The following CCDC181 variants were observed in gnomAD, a reference collection of about 807,000 sequenced individuals.
The protein encoded by CCDC181 is coiled-coil domain containing 181.
A neutral mutation model predicts 58.7 loss-of-function variants in CCDC181; 35 were observed. The ratio of observed to expected loss-of-function variants is 0.60; its 90% CI spans 0.46 to 0.79. The LOEUF (loss-of-function observed/expected upper bound fraction) is 0.79. CCDC181 is among the 30% of genes least tolerant of loss of function. CCDC181 has a pLI of 0.00. For synonymous variants in CCDC181, 183 were observed against 197.5 expected, an observed-to-expected ratio of 0.93 and a Z score of 0.62; for missense variants, 517 against 583.9, an observed-to-expected ratio of 0.89 and a Z score of 1.18.
chr1:169,397,272 A>G lies in CCDC181; in HGVS notation c.1335T>C (p.Leu445=), dbSNP rs746464125. 6.8e-6 allele frequency: 11 copies of G among 1,608,174 alleles called. No individual in the cohort carries two copies. The East Asian group carries it at 2.2e-4, about 33-fold the overall frequency. Residue 445 remains leucine (L), a synonymous_variant, in exon 5 of 6, where the codon CTT becomes CTC. Transcript: ENST00000367806. ...CCCTTTCCCGGCCTTCTGTTCCTTTAAGGAAGAATAAACATTCCTCTTGCT... is the reference window on the plus strand; with the variant it reads ...CCCTTTCCCGGCCTTCTGTTCCTTTGAGGAAGAATAAACATTCCTCTTGCT... ...LRKQEECLFF[L]KGTEGRERAF...
chr1:169,448,605 G>C (rs755894429), intron 2 of CCDC181, among the ~76,000 whole-genome samples: 6 of 151,722 alleles, frequency 4.0e-5, no homozygotes, highest in Non-Finnish European at 8.8e-5. Flanking sequence ...TTTGCCTTTG[G>C]TTTTTTGAAA....
rs191060473 is a variant in CCDC181, at chr1:169,412,350, A to C, written c.1215+6663T>G. Among the ~76,000 whole-genome samples the C allele has an allele frequency of 6.2e-3, 947 of 152,282 alleles. 10 individuals are homozygous for C. Among genetic ancestry groups the C allele is most frequent in the African/African-American group, 0.021 (893 of 41,546 alleles). Reference sequence around the variant, plus strand: ...AAGGACCTCTTCAAGGAGACCTACAAACCACCACTCAAGGAAATAAGAGAT... The same window carrying C: ...AAGGACCTCTTCAAGGAGACCTACACACCACCACTCAAGGAAATAAGAGAT... On this transcript the variant is annotated intron_variant, in intron 4 of 5. Coordinates refer to ENST00000367806, the MANE Select transcript of CCDC181 (RefSeq NM_001300969.2).
chr1:169,395,455 G>T (rs995738124), intron 5 of CCDC181, among the ~76,000 whole-genome samples: 16 of 152,094 alleles, frequency 1.1e-4, no homozygotes, highest in African/African-American at 3.6e-4. Context: ...AACTTAATTG[G>T]TTTTTTAATA....
At chr1:169,436,650 A>G (rs1196660268) in intron 2 of CCDC181, among the ~76,000 whole-genome samples, 3 of 152,212 alleles carry the variant, frequency 2.0e-5, no homozygotes, top group African/African-American at 4.8e-5. Flanking sequence ...ATATCGTACA[A>G]TCATTCACCA....
At chr1:169,402,795 C>T (rs1050294526) in intron 4 of CCDC181, among the ~76,000 whole-genome samples, 1 of 152,118 alleles carries the variant, frequency 6.6e-6, no homozygotes, top group African/African-American at 2.4e-5. Context: ...GGACCAAATA[C>T]ACACATAACA....
At chr1:169,441,305 G>A (rs984627758) in intron 2 of CCDC181, among the ~76,000 whole-genome samples, 1 of 152,072 alleles carries the variant, frequency 6.6e-6, no homozygotes, top group African/African-American at 2.4e-5. Context: ...GAAAATGGAA[G>A]TTACTGAAGA....
intron 3 of CCDC181, among the ~76,000 whole-genome samples, 179 bp from the exon 4 acceptor site, chr1:169,419,338 G>C (rs183828731): frequency 1.5e-4 from 23 of 152,260 alleles, no homozygotes; most frequent in Non-Finnish European, 1.8e-4. Flanking sequence ...CCAGCACTCT[G>C]GGGGGCCGAG....
intron 2 of CCDC181, among the ~76,000 whole-genome samples, chr1:169,439,704 G>C (rs1199337980): frequency 6.6e-6 from 1 of 152,102 alleles, no homozygotes; most frequent in African/African-American, 2.4e-5. Flanking sequence ...TTGGTATCCG[G>C]GTCCTTGTCC....
intron 4 of CCDC181, among the ~76,000 whole-genome samples, chr1:169,407,390 A>T (rs1392567361): frequency 6.6e-6 from 1 of 152,198 alleles, no homozygotes; most frequent in Non-Finnish European, 1.5e-5. Flanking sequence ...ACCAAGTAAA[A>T]GGAAAAAAAA....
chr1:169,432,523 C>T (rs1236177742), intron 2 of CCDC181, among the ~76,000 whole-genome samples: 1 of 152,084 alleles, frequency 6.6e-6, no homozygotes, highest in African/African-American at 2.4e-5. Flanking sequence ...TTCAAACAAA[C>T]CTCCACTGAA....
Position 169,421,660 on chromosome 1 carries a change from G to T in CCDC181, c.771C>A (p.Pro257=), listed in dbSNP as rs377394607. 76 of 1,614,076 alleles carry T rather than the reference G, an allele frequency of 4.7e-5. No homozygotes were observed. The African/African-American group carries it at 7.7e-4, about 16-fold the overall frequency. ...STENDPQQLL[P]RSSNSSVSGT... is the part of the protein sequence containing the mutation. Reference sequence around the variant, plus strand: ...CACTGACAGAGGAGTTGGAAGATCTGGGTAACAACTGCTGAGGGTCATTTT... The same window carrying T: ...CACTGACAGAGGAGTTGGAAGATCTTGGTAACAACTGCTGAGGGTCATTTT... Residue 257 remains proline, a synonymous_variant, in exon 3 of 6, where the codon CCC becomes CCA. Coordinates refer to ENST00000367806, the MANE Select transcript of CCDC181 (RefSeq NM_001300969.2).
chr1:169,432,940 G>A (rs534033952), intron 2 of CCDC181, among the ~76,000 whole-genome samples: 1 of 152,162 alleles, frequency 6.6e-6, no homozygotes, highest in Admixed American at 6.5e-5. Flanking sequence ...ATAAGATGAG[G>A]ATGCTGGCTT....
chr1:169,395,344 TA>T (rs1487781116), intron 5 of CCDC181, 138 bp from the exon 6 acceptor site: 2 of 707,456 alleles, frequency 2.8e-6, no homozygotes, highest in Non-Finnish European at 4.2e-6. Context: ...TTTTAAGTAT[TA>T]ACTGAAAAAT....
chr1:169,397,181 C>T lies in CCDC181; in HGVS notation c.1370+56G>A. Reference sequence around the variant, plus strand: ...TTTCCAATCTTAATTGATGATATAACTTTTAAAATGAACATGAGGAAGGAG... The same window carrying T: ...TTTCCAATCTTAATTGATGATATAATTTTTAAAATGAACATGAGGAAGGAG... On this transcript the variant is annotated intron_variant, in intron 5 of 5. Transcript: ENST00000367806. 2.8e-6 allele frequency: 4 copies of T among 1,423,094 alleles called. 1 individual carries two copies. The highest frequency in any genetic ancestry group is 3.7e-6 in the Non-Finnish European group (4 of 1,077,014). The allele number at this position is 1,423,094 out of a possible 1,614,324, so 88.2% of individuals were successfully genotyped here.
At chr1:169,459,312 T>C (rs1037839700) in intron 2 of CCDC181, among the ~76,000 whole-genome samples, 2 of 152,150 alleles carry the variant, frequency 1.3e-5, no homozygotes, top group Non-Finnish European at 2.9e-5. Context: ...GATAACTCTA[T>C]CAATGCAGAG....
At chr1:169,433,784 A>T (rs1209412793) in intron 2 of CCDC181, among the ~76,000 whole-genome samples, 1 of 152,046 alleles carries the variant, frequency 6.6e-6, no homozygotes, top group Non-Finnish European at 1.5e-5. Context: ...AATAAAATGG[A>T]TCAAAGATGT....
chr1:169,454,616 A>G (rs1008871070), intron 2 of CCDC181: 1 of 152,174 alleles, frequency 6.6e-6, no homozygotes, highest in East Asian at 1.9e-4. Flanking sequence ...TAGAAATACT[A>G]ATCAAAATTC....
upstream of CCDC181, among the ~76,000 whole-genome samples, chr1:169,428,759 G>T (rs1416640405): frequency 1.3e-5 from 2 of 152,096 alleles, no homozygotes; most frequent in Non-Finnish European, 2.9e-5. Context: ...GGGTTCAAGC[G>T]ATTCTTGTGC....
chr1:169,398,259 A>G (rs185724605), intron 4 of CCDC181, among the ~76,000 whole-genome samples: 26 of 152,326 alleles, frequency 1.7e-4, no homozygotes, highest in African/African-American at 6.3e-4. Flanking sequence ...ACAGTTAACA[A>G]TACCGTATAT....
Sources: allele counts gnomAD v4.1 joint callset (sites outside exome capture counted in the v4.1 genomes callset), GRCh38; gene constraint gnomAD v4.1.1; transcripts MANE v1.5; gene names NCBI Gene and HGNC (gene_info 2026-07-23, HGNC 2026-07-21).